Variants in PTPRK observed in about 807,000 individuals in gnomAD.
PTPRK encodes the protein protein tyrosine phosphatase receptor type K, also known as receptor-type tyrosine-protein phosphatase kappa.
PTPRK carries 75 observed loss-of-function variants against 178.0 expected under a neutral mutation model. That is an observed-to-expected ratio of 0.42 (90% CI 0.35 to 0.51). The LOEUF is 0.51. Among genes scored for constraint, PTPRK ranks in the 20% least tolerant of loss-of-function variants. PTPRK has a pLI of 0.02. For missense variants in PTPRK, 1,441 were observed against 1,797.8 expected, an observed-to-expected ratio of 0.80 and a Z score of 3.59; for synonymous variants, 637 against 620.6, an observed-to-expected ratio of 1.03 and a Z score of -0.39.
chr6:128,177,632 A>G (rs1013050481), intron 7 of PTPRK, among the ~76,000 whole-genome samples: 1 of 151,716 alleles, frequency 6.6e-6, no homozygotes, highest in Non-Finnish European at 1.5e-5. Context: ...TGATGATACC[A>G]CCTATAAGGA....
intron 21 of PTPRK, among the ~76,000 whole-genome samples, chr6:127,989,762 G>A (rs921530845): frequency 6.6e-6 from 1 of 150,928 alleles, no homozygotes; most frequent in Admixed American, 6.6e-5. Context: ...AGTACACTAG[G>A]TTAAACATTT....
At chr6:128,164,247 G>A (rs1470579535) in intron 7 of PTPRK, among the ~76,000 whole-genome samples, 1 of 151,404 alleles carries the variant, frequency 6.6e-6, no homozygotes, top group Non-Finnish European at 1.5e-5. Flanking sequence ...AGGTAACACT[G>A]AGACAATCAT....
chr6:128,250,397 A>G (rs1816275151), intron 3 of PTPRK, among the ~76,000 whole-genome samples: 1 of 152,196 alleles, frequency 6.6e-6, no homozygotes, highest in Non-Finnish European at 1.5e-5. Flanking sequence ...AAACTCACTG[A>G]GGGCAATGGA....
chr6:128,399,663 T>C (rs910475611), intron 1 of PTPRK, among the ~76,000 whole-genome samples: 14 of 152,234 alleles, frequency 9.2e-5, no homozygotes, highest in Non-Finnish European at 2.1e-4. Flanking sequence ...TTACCCTTTA[T>C]AATAGTGTGA....
At chr6:128,490,406 C>T (rs190707372) in intron 1 of PTPRK, among the ~76,000 whole-genome samples, 1 of 152,274 alleles carries the variant, frequency 6.6e-6, no homozygotes, top group Admixed American at 6.5e-5. Context: ...CATAGTATAG[C>T]CCAAGGTGAA....
chr6:128,392,080 T>A (rs1043678151), intron 2 of PTPRK, among the ~76,000 whole-genome samples: 1 of 152,146 alleles, frequency 6.6e-6, no homozygotes, highest in African/African-American at 2.4e-5. Flanking sequence ...ATCTGTTTTA[T>A]AATCCCCTAC....
intron 7 of PTPRK, among the ~76,000 whole-genome samples, chr6:128,170,862 T>C (rs1266732591): frequency 6.6e-6 from 1 of 151,828 alleles, no homozygotes; most frequent in Non-Finnish European, 1.5e-5. Context: ...GTTATAGATA[T>C]TGCAAACTAG....
At chr6:128,220,693 G>A (rs569476305) in intron 5 of PTPRK, among the ~76,000 whole-genome samples, 4 of 152,244 alleles carry the variant, frequency 2.6e-5, no homozygotes, top group East Asian at 1.9e-4. Context: ...AAGGAGATAC[G>A]TACAAGATGT....
At chr6:128,505,178 G>A (rs1474722) in intron 1 of PTPRK, among the ~76,000 whole-genome samples, 64,574 of 147,078 alleles carry the variant, frequency 0.44, 17,134 homozygotes, top group African/African-American at 0.75. Flanking sequence ...ATCTCGGCTC[G>A]CTGCAACTTC....
chr6:128,104,725 T>A (rs1789399232), intron 7 of PTPRK, among the ~76,000 whole-genome samples: 1 of 152,242 alleles, frequency 6.6e-6, no homozygotes, highest in Admixed American at 6.5e-5. Context: ...CGAAAGCTTA[T>A]GTCTGAATGT....
At chr6:128,180,132 C>T (rs2114681040) in intron 7 of PTPRK, among the ~76,000 whole-genome samples, 1 of 152,054 alleles carries the variant, frequency 6.6e-6, no homozygotes, top group East Asian at 1.9e-4. Context: ...ATGGGTTACC[C>T]AGAAGCAGAA....
chr6:128,248,511 G>C (rs1402492057), intron 3 of PTPRK, among the ~76,000 whole-genome samples: 1 of 152,084 alleles, frequency 6.6e-6, no homozygotes, highest in Non-Finnish European at 1.5e-5. Context: ...AAGGAAAATG[G>C]AAGTACATGG....
chr6:128,232,354 T>A (rs2128279623), intron 5 of PTPRK, among the ~76,000 whole-genome samples: 1 of 152,328 alleles, frequency 6.6e-6, no homozygotes, highest in African/African-American at 2.4e-5. Flanking sequence ...AGACTTCCCA[T>A]ACACAGTTAT....
intron 13 of PTPRK, among the ~76,000 whole-genome samples, chr6:128,053,064 T>G (rs919455268): frequency 5.9e-5 from 9 of 152,000 alleles, no homozygotes; most frequent in African/African-American, 2.2e-4. Context: ...GATAATGGTA[T>G]TTAGACACCA....
intron 21 of PTPRK, among the ~76,000 whole-genome samples, chr6:127,987,506 AT>A (rs1219261537): frequency 6.6e-6 from 1 of 151,996 alleles, no homozygotes. Context: ...ATTTAGTAAT[AT>A]TTTCTTACTT....
At chr6:128,105,188 C>T (rs1042386320) in intron 7 of PTPRK, among the ~76,000 whole-genome samples, 11 of 149,948 alleles carry the variant, frequency 7.3e-5, no homozygotes, top group African/African-American at 2.0e-4. Context: ...GGCTGGAGTG[C>T]AGTGGCACGA....
intron 7 of PTPRK, among the ~76,000 whole-genome samples, chr6:128,140,758 C>T (rs1795660213): frequency 6.6e-6 from 1 of 151,884 alleles, no homozygotes; most frequent in African/African-American, 2.4e-5. Flanking sequence ...AATTTTTCCT[C>T]AGTTTTCACA....
At chr6:128,183,235 T>A (rs1802222517) in intron 7 of PTPRK, among the ~76,000 whole-genome samples, 1 of 152,134 alleles carries the variant, frequency 6.6e-6, no homozygotes, top group Admixed American at 6.6e-5. Context: ...AACTTGCCTC[T>A]CCCTCAGAAA....
chr6:128,276,709 T>C (rs1279337901), intron 3 of PTPRK, among the ~76,000 whole-genome samples: 1 of 151,742 alleles, frequency 6.6e-6, no homozygotes, highest in East Asian at 1.9e-4. Flanking sequence ...TGGGGATAGA[T>C]TTTTAGAAAA....
Sources: allele counts gnomAD v4.1 joint callset (sites outside exome capture counted in the v4.1 genomes callset), GRCh38; gene constraint gnomAD v4.1.1; transcripts MANE v1.5; gene names NCBI Gene and HGNC (gene_info 2026-07-23, HGNC 2026-07-21).